Variants in MALRD1 observed in about 807,000 individuals in gnomAD.
MALRD1 encodes MAM and LDL receptor class A domain containing 1.
In MALRD1, 247 loss-of-function variants were observed where a neutral mutation model predicts 242.1. That is an observed-to-expected ratio of 1.02 (90% CI 0.92 to 1.13). MALRD1 has a LOEUF of 1.13. Ranked by LOEUF, MALRD1 falls within the 50% of genes most tolerant of loss-of-function variation. The probability of loss-of-function intolerance (pLI) is 0.00; values close to 1 mark genes in which losing one functional copy is unlikely to be tolerated. For synonymous variants in MALRD1, 995 were observed against 866.6 expected (o/e 1.15, Z -2.60); for missense variants, 2,989 against 2,533.1 (o/e 1.18, Z -3.86).
chr10:19,145,863 T>G (rs1409964228), intron 10 of MALRD1, among the ~76,000 whole-genome samples: 1 of 152,038 alleles, frequency 6.6e-6, no homozygotes, highest in Non-Finnish European at 1.5e-5. Flanking sequence ...TCATTTAAAC[T>G]ACCATCTCAG....
intron 28 of MALRD1, among the ~76,000 whole-genome samples, chr10:19,410,271 T>A (rs1833222075): frequency 6.6e-6 from 1 of 152,182 alleles, no homozygotes; most frequent in Admixed American, 6.6e-5. Flanking sequence ...TAAGCTAGAT[T>A]TAGTATGATA....
chr10:19,527,617 A>C (rs1421832937), intron 31 of MALRD1, among the ~76,000 whole-genome samples: 1 of 152,208 alleles, frequency 6.6e-6, no homozygotes. Context: ...ATCATTATAC[A>C]TGTTATAGTA....
At chr10:19,504,469 A>G (rs751492418) in intron 31 of MALRD1, among the ~76,000 whole-genome samples, 43 of 152,184 alleles carry the variant, frequency 2.8e-4, no homozygotes, top group Middle Eastern at 3.4e-3. Flanking sequence ...AGAAGGTTGG[A>G]CAGGGATATG....
intron 2 of MALRD1, among the ~76,000 whole-genome samples, chr10:19,068,625 A>G (rs1590383479): frequency 6.6e-6 from 1 of 152,150 alleles, no homozygotes; most frequent in East Asian, 1.9e-4. Flanking sequence ...TACAAATACA[A>G]TTGAATGTTA....
rs139919013 is a variant in MALRD1, at chr10:19,555,078, C to T, written c.5479-12424C>T. ...TGTTGTTTCTCGACATTTTAATAAT[C>T]GCCATTCTGACTGGCATGAGATGAT... On this transcript the variant is annotated intron_variant, in intron 32 of 39. Coordinates refer to ENST00000454679, the MANE Select transcript of MALRD1 (RefSeq NM_001142308.3). Among the ~76,000 whole-genome samples, 456 of 152,198 alleles carry T rather than the reference C, an allele frequency of 3.0e-3. 1 individual carries two copies. Among genetic ancestry groups the T allele is most frequent in the African/African-American group, 0.01 (436 of 41,534 alleles).
Position 19,327,782 on chromosome 10 carries a change from T to A in MALRD1, c.3687+109T>A. ...TCTTGCCCCCATTCCCTTTTTGATG[T>A]GTTCTGTGGATGCGTGGACACCATG... On this transcript the variant is annotated intron_variant, in intron 23 of 39. Coordinates refer to ENST00000454679, the MANE Select transcript of MALRD1 (RefSeq NM_001142308.3). 3.4e-6 allele frequency: 3 copies of A among 880,512 alleles called. No homozygotes were observed. In the South Asian group the frequency reaches 4.8e-5, roughly 14 times the overall value. 54.5% of individuals were successfully genotyped at this position (880,512 alleles called of 1,614,324 possible). A position where few individuals can be genotyped will look rare whatever the true frequency, so the allele number is the denominator to read the frequency against.
intron 6 of MALRD1, 63 bp downstream of exon 6, chr10:19,123,656 C>G (rs1028126379): frequency 1.0e-6 from 1 of 998,772 alleles, no homozygotes; most frequent in African/African-American, 1.7e-5. Flanking sequence ...ACTCAGACCA[C>G]TCACAGGAAA....
chr10:19,061,733 A>C (rs1834828131), intron 1 of MALRD1, among the ~76,000 whole-genome samples: 1 of 152,192 alleles, frequency 6.6e-6, no homozygotes, highest in Admixed American at 6.5e-5. Flanking sequence ...GGGTAGCCAC[A>C]AGCAAAATAA....
intron 28 of MALRD1, among the ~76,000 whole-genome samples, chr10:19,432,400 A>G (rs1328041998): frequency 1.3e-5 from 2 of 152,188 alleles, no homozygotes; most frequent in African/African-American, 4.8e-5. Context: ...TTTTTTACCT[A>G]TATCAGAGAA....
At position 19,548,303 on chromosome 10, in the gene MALRD1, T is replaced by G. The variant is rs142257973; in HGVS notation, c.5478+16952T>G. 8.4e-3 allele frequency among the ~76,000 whole-genome samples: 1,274 copies of G among 152,178 alleles called. 9 individuals are homozygous for G. The highest frequency in any genetic ancestry group is 0.044 in the Middle Eastern group (13 of 294). ...CGTGAACCACCACGCCTGGCCTACTTGAGTCATTCGATGGGTTGATTAGAT... is the reference window on the plus strand; with the variant it reads ...CGTGAACCACCACGCCTGGCCTACTGGAGTCATTCGATGGGTTGATTAGAT... On this transcript the variant is annotated intron_variant, in intron 32 of 39. Coordinates refer to ENST00000454679, the MANE Select transcript of MALRD1 (RefSeq NM_001142308.3).
intron 36 of MALRD1, among the ~76,000 whole-genome samples, chr10:19,640,507 CAAAT>C (rs1161939639): frequency 6.7e-6 from 1 of 150,142 alleles, no homozygotes. Flanking sequence ...TTTTTTTTTT[CAAAT>C]AAATAAATGT....
chr10:19,071,461 A>G (rs954924592), intron 2 of MALRD1, among the ~76,000 whole-genome samples: 2 of 152,142 alleles, frequency 1.3e-5, no homozygotes, highest in East Asian at 3.9e-4. Flanking sequence ...GCTGGACCCT[A>G]TGTCAAAGGC....
At chr10:19,549,842 A>G (rs559061917) in intron 32 of MALRD1, among the ~76,000 whole-genome samples, 315 of 152,354 alleles carry the variant, frequency 2.1e-3, no homozygotes, top group Non-Finnish European at 3.5e-3. Context: ...TAATCTGGGC[A>G]GAGACAGGAT....
intron 28 of MALRD1, among the ~76,000 whole-genome samples, chr10:19,411,238 G>A (rs1453865631): frequency 2.6e-5 from 4 of 152,078 alleles, no homozygotes; most frequent in Non-Finnish European, 5.9e-5. Context: ...CCTTTTTTAG[G>A]TCAGCTAGGT....
At chr10:19,709,427 C>T (rs370128086) in intron 38 of MALRD1, among the ~76,000 whole-genome samples, 26 of 151,714 alleles carry the variant, frequency 1.7e-4, no homozygotes, top group African/African-American at 3.9e-4. Context: ...TGTCTAAATA[C>T]GTATTATTTT....
chr10:19,561,887 G>C (rs1002179846), intron 32 of MALRD1, among the ~76,000 whole-genome samples: 10 of 152,074 alleles, frequency 6.6e-5, no homozygotes, highest in South Asian at 2.1e-4. Context: ...TCTTTAAATA[G>C]TTTGCCTTAA....
chr10:19,475,781 C>G (rs572607616), intron 29 of MALRD1, among the ~76,000 whole-genome samples: 11 of 152,258 alleles, frequency 7.2e-5, no homozygotes, highest in African/African-American at 2.4e-4. Context: ...AGTGACCTTT[C>G]TATGTCAATA....
At chr10:19,080,573 A>C (rs1405376866) in intron 2 of MALRD1, among the ~76,000 whole-genome samples, 1 of 152,054 alleles carries the variant, frequency 6.6e-6, no homozygotes, top group Non-Finnish European at 1.5e-5. Context: ...ATATGCAAAA[A>C]ATTGAAACTG....
chr10:19,294,303 A>C (rs2131933601), intron 21 of MALRD1, among the ~76,000 whole-genome samples: 1 of 152,310 alleles, frequency 6.6e-6, no homozygotes, highest in Non-Finnish European at 1.5e-5. Flanking sequence ...TCCCAAACTA[A>C]GTGAAGGTAA....
Sources: allele counts gnomAD v4.1 joint callset (sites outside exome capture counted in the v4.1 genomes callset), GRCh38; gene constraint gnomAD v4.1.1; transcripts MANE v1.5; gene names NCBI Gene and HGNC (gene_info 2026-07-23, HGNC 2026-07-21).